Variants in ZNF536 observed in about 807,000 individuals in gnomAD.
ZNF536 encodes the protein zinc finger protein 536.
Under a neutral mutation model 84.5 loss-of-function variants are expected in ZNF536, and 13 were observed. The observed-to-expected ratio is 0.15, with a 90% confidence interval of 0.10 to 0.24. The LOEUF (loss-of-function observed/expected upper bound fraction) is 0.24, where lower values mean the gene tolerates loss of function less well. ZNF536 is among the 10% of genes least tolerant of loss of function. The pLI, the probability that ZNF536 is intolerant of heterozygous loss-of-function variation, is 1.00. For synonymous variants in ZNF536, 811 were observed against 742.5 expected (o/e 1.09, Z -1.50); for missense variants, 1,536 against 1,747.5 (o/e 0.88, Z 2.16).
intron 1 of ZNF536, among the ~76,000 whole-genome samples, chr19:30,650,270 G>T (rs1258747113): frequency 6.6e-6 from 1 of 152,200 alleles, no homozygotes; most frequent in African/African-American, 2.4e-5. Flanking sequence ...AGTGGTGGTG[G>T]TGAGAGCCCT....
intron 1 of ZNF536, among the ~76,000 whole-genome samples, chr19:30,599,358 C>T: frequency 7.1e-6 from 1 of 139,888 alleles, no homozygotes; most frequent in Admixed American, 7.2e-5. Flanking sequence ...ATCCCTCCTT[C>T]CCTCCCTTCC....
intron 2 of ZNF536, among the ~76,000 whole-genome samples, chr19:30,305,560 C>T (rs2046317216): frequency 6.6e-6 from 1 of 152,186 alleles, no homozygotes; most frequent in African/African-American, 2.4e-5. Flanking sequence ...GCCTCAGCCC[C>T]CTTCATCACT....
At chr19:30,664,241 TCTCTCTCTCTCTCTCTCTCTCCCTCTCC>T (rs2050233873) in intron 1 of ZNF536, among the ~76,000 whole-genome samples, 1 of 132,578 alleles carries the variant, frequency 7.5e-6, no homozygotes, top group African/African-American at 3.0e-5. Flanking sequence ...TCTCTCTCTC[TCTCTCTCTCTCTCTCTCTCTCCCTCTCC>T]CTCTCTCCCT....
intron 1 of ZNF536, among the ~76,000 whole-genome samples, chr19:30,690,496 G>T (rs546656490): frequency 1.3e-5 from 2 of 152,332 alleles, no homozygotes; most frequent in Non-Finnish European, 2.9e-5. Context: ...ACTCAGGAAA[G>T]AAATGATTCT....
chr19:30,493,618 C>G (rs1276154093), intron 2 of ZNF536, among the ~76,000 whole-genome samples: 2 of 152,086 alleles, frequency 1.3e-5, no homozygotes, highest in Non-Finnish European at 2.9e-5. Context: ...GGGCATTTGT[C>G]GTGGGCCTGA....
intron 3 of ZNF536, among the ~76,000 whole-genome samples, chr19:30,359,758 T>C (rs1249697739): frequency 1.3e-5 from 2 of 152,192 alleles, no homozygotes; most frequent in Non-Finnish European, 2.9e-5. Flanking sequence ...AGTCTGATTC[T>C]GCCCTCACGT....
At chr19:30,713,246 G>A (rs866308289) in exon 2 of ZNF536, 4 of 152,204 alleles carry the variant, frequency 2.6e-5, no homozygotes, top group East Asian at 1.9e-4. Flanking sequence ...GTGATGCAGC[G>A]TCAGTTTCTG....
At chr19:30,712,780 G>A (rs1228822815) in exon 2 of ZNF536, 2 of 152,130 alleles carry the variant, frequency 1.3e-5, no homozygotes, top group Non-Finnish European at 2.9e-5. Flanking sequence ...CTGTTTCTAT[G>A]ATCCTAGAGA....
intron 1 of ZNF536, among the ~76,000 whole-genome samples, chr19:30,251,531 C>T (rs1438557632): frequency 6.6e-6 from 1 of 152,140 alleles, no homozygotes; most frequent in Non-Finnish European, 1.5e-5. Flanking sequence ...TTCAAGGCAT[C>T]GTGTGGCCTT....
intron 1 of ZNF536, among the ~76,000 whole-genome samples, chr19:30,680,099 C>G (rs1344072490): frequency 1.3e-5 from 2 of 152,054 alleles, no homozygotes; most frequent in African/African-American, 4.8e-5. Flanking sequence ...GAAAAAGACT[C>G]CTGGGTCTGG....
intron 1 of ZNF536, among the ~76,000 whole-genome samples, chr19:30,695,226 T>C (rs977314023): frequency 6.6e-6 from 1 of 152,062 alleles, no homozygotes; most frequent in Admixed American, 6.5e-5. Context: ...AGGTGTGGCC[T>C]GCACGGAGGA....
chr19:30,386,977 A>G (rs2049369681), intron 1 of ZNF536, among the ~76,000 whole-genome samples: 1 of 152,212 alleles, frequency 6.6e-6, no homozygotes, highest in African/African-American at 2.4e-5. Context: ...TTTTAAGATA[A>G]CACATTGACA....
At chr19:30,329,245 G>A (rs1338829519) in intron 2 of ZNF536, among the ~76,000 whole-genome samples, 1 of 152,220 alleles carries the variant, frequency 6.6e-6, no homozygotes, top group Non-Finnish European at 1.5e-5. Flanking sequence ...AAGGACTGGA[G>A]CAATCAGCTT....
At chr19:30,450,267 G>A (rs2052540875) in intron 2 of ZNF536, among the ~76,000 whole-genome samples, 2 of 152,070 alleles carry the variant, frequency 1.3e-5, no homozygotes, top group South Asian at 4.1e-4. Flanking sequence ...GCTTCCTGCT[G>A]CAAAAGCCAA....
intron 2 of ZNF536, among the ~76,000 whole-genome samples, chr19:30,517,048 A>G (rs1287863665): frequency 5.3e-5 from 8 of 152,020 alleles, no homozygotes; most frequent in African/African-American, 1.2e-4. Flanking sequence ...TGGTTGATCC[A>G]TCTTTCCCTC....
At chr19:30,411,896 C>A (rs1056951239) in intron 1 of ZNF536, among the ~76,000 whole-genome samples, 1 of 151,892 alleles carries the variant, frequency 6.6e-6, no homozygotes, top group African/African-American at 2.4e-5. Flanking sequence ...ATGATATCAC[C>A]ATTTCATCCA....
At position 30,485,969 on chromosome 19, in the gene ZNF536, T is replaced by G. The variant is rs181006419; in HGVS notation, c.2170+40237T>G. On this transcript the variant is annotated intron_variant, in intron 2 of 4. Coordinates refer to ENST00000355537, the MANE Select transcript of ZNF536 (RefSeq NM_014717.3). Reference sequence around the variant, plus strand: ...GATGAGCTCAGAGAGGCTGTGGAAGTTGCTCCGAGACCAGTAAAGGTGTGT... The same window carrying G: ...GATGAGCTCAGAGAGGCTGTGGAAGGTGCTCCGAGACCAGTAAAGGTGTGT... Among the ~76,000 whole-genome samples the G allele has an allele frequency of 1.3e-4, 20 of 152,262 alleles. No individual in the cohort carries two copies. In the East Asian group the frequency reaches 3.9e-3, roughly 29 times the overall value.
At chr19:30,575,757 A>G (rs1056834859) in intron 1 of ZNF536, among the ~76,000 whole-genome samples, 3 of 152,230 alleles carry the variant, frequency 2.0e-5, no homozygotes, top group African/African-American at 7.2e-5. Context: ...GACAGAGACA[A>G]GGCCTGTGCA....
intron 1 of ZNF536, among the ~76,000 whole-genome samples, chr19:30,275,603 C>T (rs779598974): frequency 6.6e-6 from 1 of 152,156 alleles, no homozygotes; most frequent in African/African-American, 2.4e-5. Flanking sequence ...GAGATTCACA[C>T]CCTGGGTCCC....
Sources: gnomAD v4.1 joint callset for allele counts (sites outside exome capture counted in the v4.1 genomes callset) on GRCh38, gnomAD v4.1.1 for gene constraint, MANE v1.5 for transcripts, NCBI Gene and HGNC (gene_info 2026-07-23, HGNC 2026-07-21) for gene names.